BCL2: variants seen among roughly 807,000 people sequenced by gnomAD.
BCL2 encodes BCL2 apoptosis regulator.
BCL2 carries 1 observed loss-of-function variant against 14.2 expected under a neutral mutation model. That is an observed-to-expected ratio of 0.07 (90% confidence interval 0.02 to 0.33). The LOEUF is 0.33. Ranked by LOEUF, BCL2 falls within the 10% of genes least tolerant of loss-of-function variation. The probability of loss-of-function intolerance (pLI) is 0.99; values close to 1 mark genes in which losing one functional copy is unlikely to be tolerated. For missense variants in BCL2, 247 were observed against 305.9 expected (o/e 0.81, Z 1.44); for synonymous variants, 151 against 137.2 (o/e 1.10, Z -0.70).
intron 2 of BCL2, among the ~76,000 whole-genome samples, chr18:63,226,941 A>G (rs1303302601): frequency 6.6e-6 from 1 of 152,202 alleles, no homozygotes; most frequent in African/African-American, 2.4e-5. Context: ...CTGAGGAGAG[A>G]AAATATTCAG....
rs889791698 is a variant in BCL2, at chr18:63,294,156, T to C, written c.585+23926A>G. Among the ~76,000 whole-genome samples, 10 of 152,090 alleles carry C rather than the reference T, an allele frequency of 6.6e-5. 1 individual carries two copies. Among genetic ancestry groups the C allele is most frequent in the Non-Finnish European group, 1.2e-4 (8 of 68,020 alleles). On this transcript the variant is annotated intron_variant, in intron 2 of 2. Coordinates refer to ENST00000333681, the MANE Select transcript of BCL2 (RefSeq NM_000633.3). The stretch of plus-strand genomic sequence containing the variant: ...CTTCTGCCACAGTGTTTTGCAGTGC[T>C]GTTGTCCAGGGCAGCTCTGCCAATC...
chr18:63,202,873 C>A (rs1374810943), intron 2 of BCL2, among the ~76,000 whole-genome samples: 1 of 152,176 alleles, frequency 6.6e-6, no homozygotes, highest in Non-Finnish European at 1.5e-5. Flanking sequence ...TGTTGGCCTG[C>A]CCTGCTGTGT....
At chr18:63,224,515 G>A (rs1279401016) in intron 2 of BCL2, among the ~76,000 whole-genome samples, 1 of 152,152 alleles carries the variant, frequency 6.6e-6, no homozygotes, top group Non-Finnish European at 1.5e-5. Context: ...TCAAACTTCT[G>A]GGGAAAACTG....
chr18:63,247,614 A>G (rs187952608), intron 2 of BCL2, among the ~76,000 whole-genome samples: 243 of 152,328 alleles, frequency 1.6e-3, no homozygotes, highest in Non-Finnish European at 2.8e-3. Flanking sequence ...GGGCATAGGT[A>G]GGCAGAGCAC....
chr18:63,280,104 A>G (rs1317542294), intron 2 of BCL2, among the ~76,000 whole-genome samples: 2 of 152,200 alleles, frequency 1.3e-5, no homozygotes, highest in African/African-American at 4.8e-5. Flanking sequence ...TGGTATATTT[A>G]TTATACTTCT....
intron 2 of BCL2, among the ~76,000 whole-genome samples, chr18:63,141,001 C>G (rs1393367656): frequency 6.6e-6 from 1 of 152,066 alleles, no homozygotes; most frequent in African/African-American, 2.4e-5. Flanking sequence ...AAAGGAAGAA[C>G]TGTAGTAGGA....
chr18:63,313,672 G>T (rs1286713490), intron 2 of BCL2: 1 of 152,194 alleles, frequency 6.6e-6, no homozygotes, highest in Non-Finnish European at 1.5e-5. Context: ...AGAAAAGGGT[G>T]CGGAGGTATG....
At chr18:63,137,879 G>A (rs1049240788) in intron 2 of BCL2, among the ~76,000 whole-genome samples, 2 of 152,340 alleles carry the variant, frequency 1.3e-5, no homozygotes, top group East Asian at 1.9e-4. Context: ...GGTGCCTGTG[G>A]TGCAGGGCAG....
intron 2 of BCL2, among the ~76,000 whole-genome samples, chr18:63,144,666 G>C (rs1568215009): frequency 6.6e-6 from 1 of 152,204 alleles, no homozygotes; most frequent in Non-Finnish European, 1.5e-5. Flanking sequence ...AGGAGCTGAG[G>C]CCTCAGGACT....
At chr18:63,258,405 G>C (rs768866926) in intron 2 of BCL2, among the ~76,000 whole-genome samples, 1 of 152,208 alleles carries the variant, frequency 6.6e-6, no homozygotes, top group Non-Finnish European at 1.5e-5. Flanking sequence ...GGGTTCAAAG[G>C]TGTTTCCTCT....
chr18:63,212,581 A>G (rs891572555), intron 2 of BCL2, among the ~76,000 whole-genome samples: 1 of 149,928 alleles, frequency 6.7e-6, no homozygotes, highest in African/African-American at 2.4e-5. Flanking sequence ...TTCTCAAATA[A>G]AAGTTGCTAC....
At chr18:63,227,010 C>A (rs576215347) in intron 2 of BCL2, among the ~76,000 whole-genome samples, 1 of 151,872 alleles carries the variant, frequency 6.6e-6, no homozygotes, top group South Asian at 2.1e-4. Flanking sequence ...TCTTGAATCC[C>A]AAGCAGGATT....
chr18:63,234,749 C>A (rs1023784326), intron 2 of BCL2, among the ~76,000 whole-genome samples: 3 of 152,176 alleles, frequency 2.0e-5, no homozygotes, highest in Non-Finnish European at 4.4e-5. Flanking sequence ...AGCTGTGAGA[C>A]CTTAGTCAAT....
intron 2 of BCL2, among the ~76,000 whole-genome samples, chr18:63,283,318 G>A (rs779799785): frequency 3.3e-5 from 5 of 152,150 alleles, no homozygotes; most frequent in Non-Finnish European, 7.3e-5. Flanking sequence ...TTGGTTGCTA[G>A]CTCTCAAATG....
chr18:63,131,669 G>C (rs894917509), intron 2 of BCL2, among the ~76,000 whole-genome samples: 5 of 152,168 alleles, frequency 3.3e-5, no homozygotes, highest in African/African-American at 1.2e-4. Context: ...AATTTGTCAG[G>C]GCACTGGCAA....
At chr18:63,256,104 TAGTC>T (rs1215860966) in intron 2 of BCL2, among the ~76,000 whole-genome samples, 2 of 152,226 alleles carry the variant, frequency 1.3e-5, no homozygotes, top group East Asian at 3.8e-4. Context: ...AGACTTAGTT[TAGTC>T]AGAGAAGATT....
intron 2 of BCL2, among the ~76,000 whole-genome samples, chr18:63,157,701 G>A (rs1914818153): frequency 6.6e-6 from 1 of 152,172 alleles, no homozygotes; most frequent in Admixed American, 6.5e-5. Flanking sequence ...AAGATCAAAA[G>A]AGAAGGGGTG....
intron 2 of BCL2, among the ~76,000 whole-genome samples, chr18:63,249,876 G>A (rs991882055): frequency 1.3e-5 from 2 of 152,086 alleles, no homozygotes; most frequent in Admixed American, 6.6e-5. Flanking sequence ...TCTACTTGGT[G>A]AACAGGAATT....
At chr18:63,221,774 G>C (rs1455282590) in intron 2 of BCL2, among the ~76,000 whole-genome samples, 2 of 152,194 alleles carry the variant, frequency 1.3e-5, no homozygotes, top group Non-Finnish European at 2.9e-5. Flanking sequence ...CCTAGCTCAG[G>C]ACACCTTTGG....
Sources: gnomAD v4.1 joint callset for allele counts (sites outside exome capture counted in the v4.1 genomes callset) on GRCh38, gnomAD v4.1.1 for gene constraint, MANE v1.5 for transcripts, NCBI Gene and HGNC (gene_info 2026-07-23, HGNC 2026-07-21) for gene names.